The following EPG5 variants were observed in gnomAD, a reference collection of about 807,000 sequenced individuals.
EPG5 encodes the protein ectopic P-granules 5 autophagy tethering factor.
Under a neutral mutation model 302.7 loss-of-function variants are expected in EPG5, and 159 were observed. The observed-to-expected ratio is 0.53, with a 90% CI of 0.46 to 0.60. EPG5 has a LOEUF of 0.60. Ranked by LOEUF, EPG5 falls within the 20% of genes least tolerant of loss-of-function variation. EPG5 has a pLI of 0.00. For missense variants in EPG5, 2,896 were observed against 3,092.4 expected (o/e 0.94, Z 1.51); for synonymous variants, 1,158 against 1,136.8 (o/e 1.02, Z -0.37).
chr18:45,961,810 A>G (rs1395098359), intron 1 of EPG5, among the ~76,000 whole-genome samples: 2 of 150,558 alleles, frequency 1.3e-5, no homozygotes, highest in Admixed American at 6.7e-5. Context: ...GTCAGCCAAG[A>G]TCGCGCCACT....
intron 1 of EPG5, among the ~76,000 whole-genome samples, chr18:45,957,612 T>G (rs949816555): frequency 4.6e-5 from 7 of 152,158 alleles, no homozygotes; most frequent in African/African-American, 1.4e-4. Context: ...GTTAAGGAGG[T>G]GAGTGGTACA....
In EPG5 at chr18:45,943,405, G is replaced by A. The variant is rs893663393; in HGVS notation, c.1793-94C>T. 7.4e-6 allele frequency: 8 copies of A among 1,081,966 alleles called. No individual in the cohort carries two copies. The African/African-American group carries it at 1.3e-4, about 17-fold the overall frequency. The allele number at this position is 1,081,966 out of a possible 1,614,324, so 67.0% of individuals were successfully genotyped here. A position where few individuals can be genotyped will look rare whatever the true frequency, so the allele number is the denominator to read the frequency against. On this transcript the variant is annotated intron_variant, in intron 8 of 43. Coordinates refer to ENST00000282041, the MANE Select transcript of EPG5 (RefSeq NM_020964.3). ...ATAAATATTTTAATGAGGACTCAAAGCCAAGGTGGAGAAGAACTGACAGTC... is the reference window on the plus strand; with the variant it reads ...ATAAATATTTTAATGAGGACTCAAAACCAAGGTGGAGAAGAACTGACAGTC...
At chr18:45,907,713 G>A (rs551852286) in intron 24 of EPG5, among the ~76,000 whole-genome samples, 2 of 152,178 alleles carry the variant, frequency 1.3e-5, no homozygotes, top group East Asian at 1.9e-4. Context: ...ATGTTTATGA[G>A]GTCGTAAAAA....
chr18:45,857,420 T>A (rs937500053), intron 42 of EPG5, among the ~76,000 whole-genome samples: 3 of 152,092 alleles, frequency 2.0e-5, no homozygotes, highest in African/African-American at 7.2e-5. Flanking sequence ...CACCAACAGA[T>A]CTTAACCCAG....
the EPG5 span, among the ~76,000 whole-genome samples, chr18:45,807,606 G>A: frequency 6.6e-6 from 1 of 152,168 alleles, no homozygotes; most frequent in Admixed American, 6.5e-5. Context: ...GACTTACTGG[G>A]TGGCAAGGTC....
the EPG5 span, chr18:45,837,571 C>T: frequency 1.5e-5 from 22 of 1,515,676 alleles, 1 homozygote; most frequent in South Asian, 2.5e-4. Flanking sequence ...CGGAGGCAGG[C>T]GACGCGGCAG....
chr18:45,868,133 A>C (rs1382022175), intron 36 of EPG5: 1 of 458,008 alleles, frequency 2.2e-6, no homozygotes, highest in African/African-American at 2.0e-5. Flanking sequence ...GTAGTTCCCA[A>C]ACTTAAGTGT....
Position 45,916,494 on chromosome 18 carries a change from G to A in EPG5, c.3328C>T (p.His1110Tyr). ...TCCCCATGGCTGGCTCCTGTCAGGT[G>A]CTGTGCCACCTTGTGGGTGACCTGT... is the stretch of plus-strand genomic sequence containing the variant. The part of the protein sequence containing the change: ...TQQVTHKVAQ[H>Y]LTGASHGDNV... The change falls in exon 18 of 44, where the codon CAC (histidine) becomes TAC (tyrosine). Residue 1110 changes from histidine to tyrosine, a missense_variant. By Grantham distance (83) the His-to-Tyr change is moderately conservative. Coordinates refer to ENST00000282041, the MANE Select transcript of EPG5 (RefSeq NM_020964.3). 1 of 1,613,774 alleles carries A rather than the reference G, an allele frequency of 6.2e-7. No homozygotes were observed. The highest frequency in any genetic ancestry group is 8.5e-7 in the Non-Finnish European group (1 of 1,179,726).
intron 42 of EPG5, among the ~76,000 whole-genome samples, chr18:45,856,573 C>T (rs1389768445): frequency 6.6e-6 from 1 of 152,108 alleles, no homozygotes; most frequent in Non-Finnish European, 1.5e-5. Flanking sequence ...TATTTTATCA[C>T]AATTAAAAAG....
At position 45,955,027 on chromosome 18, in the gene EPG5, T is replaced by G. The variant is rs1444139900; in HGVS notation, c.375A>C (p.Gly125=). Residue 125 remains glycine (G), a synonymous_variant, in exon 2 of 44, where the codon GGA becomes GGC. Coordinates refer to ENST00000282041, the MANE Select transcript of EPG5 (RefSeq NM_020964.3). ...DSAVTPKVHP[G]DNVGTKVETP... ...TTTCTACTTTAGTTCCAACATTGTCTCCAGGGTGGACCTTTGGAGTGACTG... is the reference window on the plus strand; with the variant it reads ...TTTCTACTTTAGTTCCAACATTGTCGCCAGGGTGGACCTTTGGAGTGACTG... 2.5e-6 allele frequency: 4 copies of G among 1,614,186 alleles called. No homozygotes were observed. Among genetic ancestry groups the G allele is most frequent in the South Asian group, 2.2e-5 (2 of 91,082 alleles).
chr18:45,808,436 T>G, the EPG5 span, among the ~76,000 whole-genome samples: 1 of 152,190 alleles, frequency 6.6e-6, no homozygotes, highest in Non-Finnish European at 1.5e-5. Context: ...ACAGGTTATG[T>G]AAAGTTAAGA....
At chr18:45,830,190 G>T in the EPG5 span, among the ~76,000 whole-genome samples, 1 of 152,252 alleles carries the variant, frequency 6.6e-6, no homozygotes, top group African/African-American at 2.4e-5. Flanking sequence ...CAAGGAACTG[G>T]TGGAGATTTT....
At chr18:45,922,311 T>G (rs759080170) in intron 16 of EPG5, 30 bp downstream of exon 16, 4 of 1,606,774 alleles carry the variant, frequency 2.5e-6, no homozygotes, top group Non-Finnish European at 1.7e-6. Flanking sequence ...CAAGGTTCAG[T>G]AACCCTAGTG....
chr18:45,817,350 T>C, the EPG5 span, among the ~76,000 whole-genome samples: 1 of 152,262 alleles, frequency 6.6e-6, no homozygotes, highest in East Asian at 1.9e-4. Flanking sequence ...CAAAAAAGTT[T>C]CTTTCCTTTC....
At chr18:45,865,062 G>A (rs1024506530) in intron 39 of EPG5, among the ~76,000 whole-genome samples, 5 of 151,984 alleles carry the variant, frequency 3.3e-5, no homozygotes, top group African/African-American at 1.2e-4. Context: ...AACTCTTCAG[G>A]GTGACAGCAG....
the EPG5 span, among the ~76,000 whole-genome samples, chr18:45,805,560 C>A: frequency 6.6e-6 from 1 of 150,908 alleles, no homozygotes; most frequent in African/African-American, 2.4e-5. Context: ...TTCCAATTAG[C>A]TAAAAAAAAA....
chr18:45,900,283 T>A (rs2049580295), intron 26 of EPG5, among the ~76,000 whole-genome samples: 1 of 151,470 alleles, frequency 6.6e-6, no homozygotes, highest in Non-Finnish European at 1.5e-5. Flanking sequence ...GCGCCTATAG[T>A]CCCAGCTACT....
At chr18:45,871,841 C>G (rs1239532503) in intron 35 of EPG5, among the ~76,000 whole-genome samples, 1 of 152,030 alleles carries the variant, frequency 6.6e-6, no homozygotes, top group Non-Finnish European at 1.5e-5. Context: ...TTTCAGAGGG[C>G]AGGAGGAATA....
the EPG5 span, among the ~76,000 whole-genome samples, chr18:45,818,579 A>G: frequency 6.6e-6 from 1 of 152,212 alleles, no homozygotes; most frequent in Non-Finnish European, 1.5e-5. Context: ...AAGTACATTT[A>G]TCAGCCATTT....
Sources: allele counts gnomAD v4.1 joint callset (sites outside exome capture counted in the v4.1 genomes callset), GRCh38; gene constraint gnomAD v4.1.1; transcripts MANE v1.5; gene names NCBI Gene and HGNC (gene_info 2026-07-23, HGNC 2026-07-21).